The following RANBP17 variants were observed in gnomAD, a reference collection of about 807,000 sequenced individuals.
The protein encoded by RANBP17 is ran-binding protein 17.
In RANBP17, 158 loss-of-function variants were observed where a neutral mutation model predicts 141.2. The ratio of observed to expected loss-of-function variants is 1.12; its 90% CI spans 0.98 to 1.28. RANBP17 has a LOEUF of 1.28. RANBP17 is among the 50% of genes most tolerant of loss of function. RANBP17 has a pLI of 0.00. For missense variants in RANBP17, 1,438 were observed against 1,290.7 expected (o/e 1.11, Z -1.75); for synonymous variants, 430 against 450.0 (o/e 0.96, Z 0.56).
chr5:170,910,954 T>A lies in RANBP17; in HGVS notation c.595-15T>A, dbSNP rs779953480. On this transcript the variant is annotated splice_polypyrimidine_tract_variant and intron_variant, in intron 6 of 27. Coordinates refer to ENST00000523189, the MANE Select transcript of RANBP17 (RefSeq NM_022897.5). ...GTATTTCGCAGTGTTTTCTTTGATTTTGTACTTTTTTCAGGTGTTTGCCAA... is the reference window on the plus strand; with the variant it reads ...GTATTTCGCAGTGTTTTCTTTGATTATGTACTTTTTTCAGGTGTTTGCCAA... The A allele has an allele frequency of 6.2e-7, 1 of 1,607,142 alleles. No homozygotes were observed. Among genetic ancestry groups the A allele is most frequent in the Non-Finnish European group, 8.5e-7 (1 of 1,176,580 alleles).
At chr5:171,124,348 A>G (rs531567107) in intron 14 of RANBP17, among the ~76,000 whole-genome samples, 1 of 152,260 alleles carries the variant, frequency 6.6e-6, no homozygotes, top group African/African-American at 2.4e-5. Context: ...GAAACCCAGT[A>G]TACCATATGA....
At position 170,924,403 on chromosome 5, in the gene RANBP17, C is replaced by T. The variant is rs1294921783; in HGVS notation, c.1321C>T (p.Gln441Ter). 1.2e-6 allele frequency: 2 copies of T among 1,606,968 alleles called. No individual in the cohort carries two copies. Among genetic ancestry groups the T allele is most frequent in the Non-Finnish European group, 1.7e-6 (2 of 1,174,420 alleles). The change falls in exon 12 of 28, where the codon CAG becomes TAG. Residue 441 changes from glutamine to a stop codon, truncating the protein, a stop_gained. Transcript: ENST00000523189. LOFTEE classifies it high-confidence loss of function. ...GGATGATACTGCCACTGTGTTTCAG[C>T]AGTTGGAGCAGTTGTGCACGGTCAG... ...PLDDTATVFQ[Q>*]LEQLCTVSRC...
At chr5:171,123,277 A>G (rs1466144575) in intron 14 of RANBP17, among the ~76,000 whole-genome samples, 1 of 152,144 alleles carries the variant, frequency 6.6e-6, no homozygotes, top group Non-Finnish European at 1.5e-5. Flanking sequence ...CCAGGGACCC[A>G]AGGACGTACC....
intron 14 of RANBP17, among the ~76,000 whole-genome samples, chr5:171,108,415 TTTA>T (rs1290473186): frequency 1.3e-5 from 2 of 152,162 alleles, no homozygotes; most frequent in Non-Finnish European, 2.9e-5. Context: ...ATGTATTTTA[TTTA>T]TTTATTTATT....
Position 171,171,200 on chromosome 5 carries a change from A to AT in RANBP17, c.1785-3dup, listed in dbSNP as rs757151292. On this transcript the variant is annotated splice_polypyrimidine_tract_variant and splice_region_variant and intron_variant, in intron 15 of 27. Coordinates refer to ENST00000523189, the MANE Select transcript of RANBP17 (RefSeq NM_022897.5). Reference sequence around the variant, plus strand: ...CTTATAATTAAAGACTTTTTTTCATATTTAGTGTTACAAACCTTAAATACT... The same window carrying AT: ...CTTATAATTAAAGACTTTTTTTCATATTTTAGTGTTACAAACCTTAAATACT... 15 of 1,520,382 alleles carry AT rather than the reference A, an allele frequency of 9.9e-6. No homozygotes were observed. In the East Asian group the frequency reaches 1.8e-4, roughly 18 times the overall value. 94.2% of individuals were successfully genotyped at this position (1,520,382 alleles called of 1,614,324 possible). A position where few individuals can be genotyped will look rare whatever the true frequency, so the allele number is the denominator to read the frequency against.
At chr5:171,125,009 G>A (rs1340638869) in intron 14 of RANBP17, among the ~76,000 whole-genome samples, 3 of 152,132 alleles carry the variant, frequency 2.0e-5, no homozygotes, top group Admixed American at 1.3e-4. Flanking sequence ...AAAGTAAAGG[G>A]ATGGGCTGGG....
At chr5:170,920,077 G>A (rs562460347) in intron 11 of RANBP17, among the ~76,000 whole-genome samples, 9 of 152,122 alleles carry the variant, frequency 5.9e-5, no homozygotes, top group Admixed American at 5.2e-4. Flanking sequence ...GGACTTTTGA[G>A]TTGTTTATGT....
intron 25 of RANBP17, among the ~76,000 whole-genome samples, chr5:171,287,609 C>A (rs1183876920): frequency 2.0e-5 from 3 of 152,012 alleles, no homozygotes; most frequent in African/African-American, 7.3e-5. Flanking sequence ...CAGTCCCCAC[C>A]CCCTATCCAG....
chr5:171,169,868 G>T (rs1158432287), intron 14 of RANBP17, among the ~76,000 whole-genome samples: 2 of 151,874 alleles, frequency 1.3e-5, no homozygotes, highest in Non-Finnish European at 2.9e-5. Context: ...AATGTGTGTG[G>T]TGTGGTGGGA....
At chr5:171,277,637 G>GTGTATATCTATATATATATATA (rs1437482589) in intron 25 of RANBP17, among the ~76,000 whole-genome samples, 1 of 56,904 alleles carries the variant, frequency 1.8e-5, no homozygotes, top group African/African-American at 5.8e-5. Context: ...ATATATGTAT[G>GTGTATATCTATATATATATATA]TATATATATA....
rs374041991 is a variant in RANBP17 at position 171,183,439 on chromosome 5, A to G, written c.2038+9A>G. 65 of 1,584,188 alleles carry G rather than the reference A, an allele frequency of 4.1e-5. No homozygotes were observed. In the African/African-American group the frequency reaches 8.1e-4, roughly 20 times the overall value. On this transcript the variant is annotated intron_variant, in intron 18 of 27. Transcript: ENST00000523189. ...TCTGATGGTAGATCTGGGTAAGGTTAAGAATTTAAACTCAATTAATAAGGG... is the reference window on the plus strand; with the variant it reads ...TCTGATGGTAGATCTGGGTAAGGTTGAGAATTTAAACTCAATTAATAAGGG...
chr5:171,017,697 A>C (rs1035950970), intron 14 of RANBP17, among the ~76,000 whole-genome samples: 2 of 152,112 alleles, frequency 1.3e-5, no homozygotes, highest in Non-Finnish European at 2.9e-5. Flanking sequence ...TCTCCCATCT[A>C]TAGGTTGCCT....
chr5:171,265,552 C>G (rs1330958846), intron 24 of RANBP17, 129 bp from the exon 25 acceptor site: 2 of 867,680 alleles, frequency 2.3e-6, no homozygotes, highest in East Asian at 2.5e-5. Context: ...TTCCTGCCCT[C>G]AAAGAACTTG....
At chr5:171,099,823 A>G (rs1787005557) in intron 14 of RANBP17, among the ~76,000 whole-genome samples, 3 of 152,132 alleles carry the variant, frequency 2.0e-5, no homozygotes, top group African/African-American at 7.2e-5. Flanking sequence ...GGGGTGTTGA[A>G]TTTTATCAAA....
At chr5:171,138,844 C>G (rs138550420) in intron 14 of RANBP17, among the ~76,000 whole-genome samples, 1 of 152,138 alleles carries the variant, frequency 6.6e-6, no homozygotes, top group African/African-American at 2.4e-5. Flanking sequence ...GGCTGAGGCA[C>G]TCAGGAGGAT....
chr5:170,999,501 A>G (rs1455531459), intron 14 of RANBP17, among the ~76,000 whole-genome samples: 1 of 152,190 alleles, frequency 6.6e-6, no homozygotes, highest in Non-Finnish European at 1.5e-5. Flanking sequence ...ATTAAACTAT[A>G]AACAATATTT....
intron 22 of RANBP17, among the ~76,000 whole-genome samples, chr5:171,229,120 C>CA: frequency 6.6e-6 from 1 of 152,042 alleles, no homozygotes; most frequent in East Asian, 1.9e-4. Flanking sequence ...AAAATATCAC[C>CA]AAAAAATAAC....
intron 25 of RANBP17, among the ~76,000 whole-genome samples, chr5:171,289,659 C>T (rs1027999373): frequency 6.6e-6 from 1 of 152,002 alleles, no homozygotes. Context: ...TTGCTTGAGA[C>T]CAGGAGTTCG....
intron 14 of RANBP17, among the ~76,000 whole-genome samples, chr5:171,048,988 G>T (rs891887865): frequency 6.6e-6 from 1 of 152,116 alleles, no homozygotes; most frequent in South Asian, 2.1e-4. Flanking sequence ...TCCTTTGGGT[G>T]TGTATCCAAT....
Sources: allele counts gnomAD v4.1 joint callset (sites outside exome capture counted in the v4.1 genomes callset), GRCh38; gene constraint gnomAD v4.1.1; transcripts MANE v1.5; gene names NCBI Gene and HGNC (gene_info 2026-07-23, HGNC 2026-07-21).